Variants in NDUFAF2 observed in about 807,000 individuals in gnomAD.
NDUFAF2 encodes the protein NADH:ubiquinone oxidoreductase complex assembly factor 2, also known as NADH dehydrogenase [ubiquinone] 1 alpha subcomplex assembly factor 2.
In NDUFAF2, 13 loss-of-function variants were observed where a neutral mutation model predicts 22.8. The observed-to-expected ratio is 0.57, with a 90% CI of 0.37 to 0.91. NDUFAF2 has a LOEUF of 0.91. NDUFAF2 is among the 40% of genes least tolerant of loss of function. NDUFAF2 has a pLI of 0.01. For missense variants in NDUFAF2, 162 were observed against 195.2 expected, an observed-to-expected ratio of 0.83 and a Z score of 1.01; for synonymous variants, 53 against 64.2, an observed-to-expected ratio of 0.83 and a Z score of 0.84.
chr5:61,058,721 A>G (rs572928135), intron 1 of NDUFAF2, among the ~76,000 whole-genome samples: 1 of 152,146 alleles, frequency 6.6e-6, no homozygotes, highest in African/African-American at 2.4e-5. Flanking sequence ...CACATTTTCA[A>G]TTATGAATAT....
At chr5:60,997,616 TAAAA>T (rs1160936792) in intron 1 of NDUFAF2, among the ~76,000 whole-genome samples, 3 of 152,154 alleles carry the variant, frequency 2.0e-5, no homozygotes, top group African/African-American at 7.2e-5. Context: ...AACTAGAAAA[TAAAA>T]GAATTGAGCA....
At chr5:61,033,441 A>G (rs907258408) in intron 1 of NDUFAF2, among the ~76,000 whole-genome samples, 7 of 152,134 alleles carry the variant, frequency 4.6e-5, no homozygotes, top group Non-Finnish European at 8.8e-5. Flanking sequence ...ATTACATATC[A>G]TCCCTCATGG....
chr5:61,102,089 T>C (rs1175113156), intron 3 of NDUFAF2, among the ~76,000 whole-genome samples: 1 of 152,292 alleles, frequency 6.6e-6, no homozygotes, highest in East Asian at 1.9e-4. Context: ...ATAGCCCATA[T>C]TTTGTGAACC....
chr5:60,968,846 C>T (rs868462857), intron 1 of NDUFAF2, among the ~76,000 whole-genome samples: 14 of 152,042 alleles, frequency 9.2e-5, no homozygotes, highest in Admixed American at 1.3e-4. Context: ...TCTCCACTTC[C>T]CCACCACCCC....
At chr5:61,130,886 A>T (rs1454812016) in intron 3 of NDUFAF2, among the ~76,000 whole-genome samples, 1 of 152,166 alleles carries the variant, frequency 6.6e-6, no homozygotes, top group East Asian at 1.9e-4. Flanking sequence ...AGTACCAGAA[A>T]TGGGACATTA....
intron 1 of NDUFAF2, among the ~76,000 whole-genome samples, chr5:60,947,392 A>G (rs977518265): frequency 6.6e-6 from 1 of 152,134 alleles, no homozygotes; most frequent in Non-Finnish European, 1.5e-5. Flanking sequence ...ATGCCTGAGG[A>G]TGTTGACAGT....
At chr5:61,089,984 T>C (rs138778248) in intron 2 of NDUFAF2, among the ~76,000 whole-genome samples, 41 of 152,038 alleles carry the variant, frequency 2.7e-4, no homozygotes, top group African/African-American at 9.9e-4. Context: ...CAGATTGTTA[T>C]TTAGAGTTGT....
At chr5:61,101,086 C>CAGT (rs1752699866) in intron 3 of NDUFAF2, among the ~76,000 whole-genome samples, 1 of 152,130 alleles carries the variant, frequency 6.6e-6, no homozygotes, top group Non-Finnish European at 1.5e-5. Flanking sequence ...AACTTTTACA[C>CAGT]TCTTCAAATC....
At chr5:61,022,437 T>C (rs1016405127) in intron 1 of NDUFAF2, among the ~76,000 whole-genome samples, 2 of 152,210 alleles carry the variant, frequency 1.3e-5, no homozygotes, top group Non-Finnish European at 2.9e-5. Context: ...GAATGATGGT[T>C]TAATAGGGTA....
chr5:61,030,000 T>G (rs1580102825), intron 1 of NDUFAF2, among the ~76,000 whole-genome samples: 1 of 152,118 alleles, frequency 6.6e-6, no homozygotes, highest in African/African-American at 2.4e-5. Context: ...GGAAGTAGTC[T>G]GTATTAGCGC....
chr5:61,125,542 G>A (rs959423419), intron 3 of NDUFAF2, among the ~76,000 whole-genome samples: 1 of 151,844 alleles, frequency 6.6e-6, no homozygotes, highest in South Asian at 2.1e-4. Flanking sequence ...CAAGTCCATC[G>A]AATTCAAGGT....
intron 1 of NDUFAF2, among the ~76,000 whole-genome samples, chr5:60,967,228 A>T (rs990249849): frequency 6.6e-6 from 1 of 151,976 alleles, no homozygotes; most frequent in Non-Finnish European, 1.5e-5. Context: ...TATTAGTAAC[A>T]GTTTTTTAGT....
chr5:60,954,231 A>G (rs1464107884), intron 1 of NDUFAF2, among the ~76,000 whole-genome samples: 2 of 152,138 alleles, frequency 1.3e-5, no homozygotes, highest in African/African-American at 4.8e-5. Flanking sequence ...TGCCCCATAT[A>G]GGCATTCTGT....
intron 3 of NDUFAF2, among the ~76,000 whole-genome samples, chr5:61,127,110 C>A (rs1753046764): frequency 6.6e-6 from 1 of 152,096 alleles, no homozygotes; most frequent in Non-Finnish European, 1.5e-5. Flanking sequence ...TCTGAATAGA[C>A]CAATAACAGG....
At chr5:61,026,827 T>C (rs1321999894) in intron 1 of NDUFAF2, among the ~76,000 whole-genome samples, 1 of 151,998 alleles carries the variant, frequency 6.6e-6, no homozygotes, top group Non-Finnish European at 1.5e-5. Flanking sequence ...GTTCTTTCTT[T>C]TGTTTAATGC....
chr5:61,125,120 C>G (rs1049938120), intron 3 of NDUFAF2, among the ~76,000 whole-genome samples: 2 of 152,046 alleles, frequency 1.3e-5, no homozygotes, highest in African/African-American at 4.8e-5. Context: ...TACAATTGAA[C>G]ATCAGATTTG....
At chr5:61,000,205 T>C (rs1751278966) in intron 1 of NDUFAF2, among the ~76,000 whole-genome samples, 1 of 152,134 alleles carries the variant, frequency 6.6e-6, no homozygotes, top group South Asian at 2.1e-4. Flanking sequence ...AACAAGGGAA[T>C]TAAAAGAGCT....
intron 3 of NDUFAF2, among the ~76,000 whole-genome samples, chr5:61,127,885 C>T (rs1484823631): frequency 6.6e-6 from 1 of 152,072 alleles, no homozygotes; most frequent in Non-Finnish European, 1.5e-5. Context: ...GATTGTATAT[C>T]TAGAAAACCC....
At chr5:60,946,365 T>G (rs1750455044) in intron 1 of NDUFAF2, among the ~76,000 whole-genome samples, 1 of 152,214 alleles carries the variant, frequency 6.6e-6, no homozygotes, top group South Asian at 2.1e-4. Flanking sequence ...TTTCCAAGAT[T>G]ATGTGCCATT....
Sources: allele counts gnomAD v4.1 joint callset (sites outside exome capture counted in the v4.1 genomes callset), GRCh38; gene constraint gnomAD v4.1.1; transcripts MANE v1.5; gene names NCBI Gene and HGNC (gene_info 2026-07-23, HGNC 2026-07-21).